Variants in LRMDA observed in about 807,000 individuals in gnomAD.
The protein encoded by LRMDA is leucine-rich melanocyte differentiation-associated protein.
LRMDA carries 18 observed loss-of-function variants against 29.8 expected under a neutral mutation model. That is an observed-to-expected ratio of 0.60 (90% CI 0.42 to 0.90). LRMDA has a LOEUF of 0.90. LRMDA is among the 40% of genes least tolerant of loss of function. LRMDA has a pLI of 0.00. For synonymous variants in LRMDA, 125 were observed against 109.4 expected (o/e 1.14, Z -0.89); for missense variants, 273 against 273.9 (o/e 1.00, Z 0.02).
At chr10:75,750,935 ATC>A (rs1842959033) in intron 2 of LRMDA, among the ~76,000 whole-genome samples, 1 of 152,172 alleles carries the variant, frequency 6.6e-6, no homozygotes, top group South Asian at 2.1e-4. Context: ...AGAGGCTGCA[ATC>A]TCTGCACTTT....
At chr10:76,086,129 AC>A (rs1849131030) in intron 5 of LRMDA, among the ~76,000 whole-genome samples, 1 of 152,074 alleles carries the variant, frequency 6.6e-6, no homozygotes, top group African/African-American at 2.4e-5. Flanking sequence ...TCCTCGCCTT[AC>A]CCCATTCTCA....
intron 2 of LRMDA, among the ~76,000 whole-genome samples, chr10:75,466,568 G>C (rs1419323373): frequency 6.6e-6 from 1 of 152,066 alleles, no homozygotes; most frequent in African/African-American, 2.4e-5. Flanking sequence ...AAGCCATCTC[G>C]AGCTACCCTG....
chr10:75,485,230 A>G (rs1844896980), intron 2 of LRMDA, among the ~76,000 whole-genome samples: 1 of 152,194 alleles, frequency 6.6e-6, no homozygotes, highest in Admixed American at 6.5e-5. Flanking sequence ...ATATATTGCA[A>G]TAAAGTTGAG....
chr10:76,543,434 T>C (rs916836480), intron 6 of LRMDA, among the ~76,000 whole-genome samples: 2 of 152,032 alleles, frequency 1.3e-5, no homozygotes, highest in Non-Finnish European at 2.9e-5. Flanking sequence ...CCTGGCCTTA[T>C]ATGACACTTT....
At chr10:76,169,517 C>T (rs1289399946) in intron 5 of LRMDA, among the ~76,000 whole-genome samples, 4 of 152,084 alleles carry the variant, frequency 2.6e-5, no homozygotes, top group Middle Eastern at 3.2e-3. Context: ...ATGGTTAAAT[C>T]ACTGAGACCC....
At chr10:75,888,498 G>A (rs1015953012) in intron 2 of LRMDA, among the ~76,000 whole-genome samples, 55 of 152,210 alleles carry the variant, frequency 3.6e-4, no homozygotes, top group African/African-American at 1.3e-3. Flanking sequence ...GAATTTCCTA[G>A]CTTAAAACAG....
intron 2 of LRMDA, among the ~76,000 whole-genome samples, chr10:75,872,326 T>C (rs1432828395): frequency 6.6e-6 from 1 of 151,890 alleles, no homozygotes; most frequent in Non-Finnish European, 1.5e-5. Context: ...TTTGAGACGA[T>C]GGAATCTCGC....
chr10:75,702,341 A>G (rs1773926850), intron 2 of LRMDA, among the ~76,000 whole-genome samples: 1 of 152,204 alleles, frequency 6.6e-6, no homozygotes, highest in African/African-American at 2.4e-5. Context: ...AAGCTTTTCA[A>G]GAGAGAAGGT....
chr10:76,287,214 C>G (rs1840283279), intron 5 of LRMDA, among the ~76,000 whole-genome samples: 1 of 152,092 alleles, frequency 6.6e-6, no homozygotes, highest in Non-Finnish European at 1.5e-5. Flanking sequence ...CTTTATTTGC[C>G]ATCTGCCTGC....
intron 2 of LRMDA, among the ~76,000 whole-genome samples, chr10:75,960,177 G>A (rs531828186): frequency 4.7e-4 from 72 of 152,196 alleles, no homozygotes; most frequent in Admixed American, 8.5e-4. Flanking sequence ...GCTATTAGCT[G>A]GATATTGGGA....
At chr10:75,751,852 C>T (rs1842973252) in intron 2 of LRMDA, among the ~76,000 whole-genome samples, 1 of 152,160 alleles carries the variant, frequency 6.6e-6, no homozygotes, top group African/African-American at 2.4e-5. Context: ...ATTGTGTGCT[C>T]AAACCAGTAG....
intron 2 of LRMDA, among the ~76,000 whole-genome samples, chr10:75,544,826 A>G (rs1020742749): frequency 1.3e-5 from 2 of 152,224 alleles, no homozygotes; most frequent in African/African-American, 4.8e-5. Flanking sequence ...TTTAAGGTAT[A>G]CAACTTGTCC....
At chr10:75,657,946 A>G (rs1841699449) in intron 2 of LRMDA, among the ~76,000 whole-genome samples, 2 of 152,104 alleles carry the variant, frequency 1.3e-5, no homozygotes, top group African/African-American at 2.4e-5. Flanking sequence ...CTTCCTCTAA[A>G]CAGTGCATCC....
chr10:76,349,403 A>G (rs901531146), intron 6 of LRMDA, among the ~76,000 whole-genome samples: 2 of 152,128 alleles, frequency 1.3e-5, no homozygotes, highest in Non-Finnish European at 2.9e-5. Flanking sequence ...CACTCCTGCT[A>G]TATGTATAGG....
chr10:76,132,589 C>G (rs1340666931), intron 5 of LRMDA, among the ~76,000 whole-genome samples: 1 of 152,096 alleles, frequency 6.6e-6, no homozygotes, highest in Non-Finnish European at 1.5e-5. Flanking sequence ...TTTCCATTCA[C>G]CAGAATGCCT....
intron 6 of LRMDA, among the ~76,000 whole-genome samples, chr10:76,510,192 T>C (rs956502106): frequency 6.6e-6 from 1 of 152,092 alleles, no homozygotes; most frequent in South Asian, 2.1e-4. Context: ...TGCCTCAACC[T>C]CCTGAGTAGC....
At chr10:75,501,124 C>T (rs1435644245) in intron 2 of LRMDA, among the ~76,000 whole-genome samples, 1 of 152,188 alleles carries the variant, frequency 6.6e-6, no homozygotes, top group East Asian at 1.9e-4. Context: ...TGGGATACTT[C>T]AGAGAATCAG....
At chr10:75,904,751 C>T (rs886665377) in intron 2 of LRMDA, among the ~76,000 whole-genome samples, 1 of 152,084 alleles carries the variant, frequency 6.6e-6, no homozygotes, top group Non-Finnish European at 1.5e-5. Flanking sequence ...TTTTCAAAGC[C>T]GTTATTCTAA....
intron 2 of LRMDA, among the ~76,000 whole-genome samples, chr10:75,698,734 G>A (rs183800122): frequency 2.9e-3 from 437 of 151,824 alleles, no homozygotes; most frequent in Non-Finnish European, 4.8e-3. Context: ...TCAGTAATAG[G>A]TTTAATTTTA....
Sources: allele counts gnomAD v4.1 joint callset (sites outside exome capture counted in the v4.1 genomes callset), GRCh38; gene constraint gnomAD v4.1.1; transcripts MANE v1.5; gene names NCBI Gene and HGNC (gene_info 2026-07-23, HGNC 2026-07-21).